The following IGSF21 variants were observed in gnomAD, a reference collection of about 807,000 sequenced individuals.
The protein encoded by IGSF21 is immunoglobulin superfamily member 21.
Under a neutral mutation model 46.8 loss-of-function variants are expected in IGSF21, and 28 were observed. That is an observed-to-expected ratio of 0.60 (90% CI 0.44 to 0.82). The LOEUF (loss-of-function observed/expected upper bound fraction) is 0.82. IGSF21 is among the 40% of genes least tolerant of loss of function. The pLI is 0.00. For missense variants in IGSF21, 624 were observed against 665.5 expected, an observed-to-expected ratio of 0.94 and a Z score of 0.69; for synonymous variants, 284 against 273.6, an observed-to-expected ratio of 1.04 and a Z score of -0.38.
Position 18,322,239 on chromosome 1 carries a change from G to A in IGSF21, c.306-12653G>A, listed in dbSNP as rs1002905405. Among the ~76,000 whole-genome samples the A allele has an allele frequency of 1.3e-5, 2 of 152,164 alleles. No individual in the cohort carries two copies. Among genetic ancestry groups the A allele is most frequent in the East Asian group, 1.9e-4 (1 of 5,172 alleles). On this transcript the variant is annotated intron_variant, in intron 3 of 9. Transcript: ENST00000251296. This position sits in a 1 kb window ranked among gnomAD's most constrained non-coding sequence, Gnocchi z 4.3. Reference sequence around the variant, plus strand: ...GCATCGGCTCCTGGAACTCAAGGGCGAGGGACCTGATGCTGACCTTGCCCA... The same window carrying A: ...GCATCGGCTCCTGGAACTCAAGGGCAAGGGACCTGATGCTGACCTTGCCCA...
rs1285790074 is a variant in IGSF21, at chr1:18,109,077, C to A, written c.70+879C>A. Among the ~76,000 whole-genome samples, 1 of 150,924 alleles carries A rather than the reference C, an allele frequency of 6.6e-6. No homozygotes were observed. Among genetic ancestry groups the A allele is most frequent in the Non-Finnish European group, 1.5e-5 (1 of 67,858 alleles). ...CAGCTAGAAGGAGGTTGAAGCCGAG[C>A]GGGTTCTCCGGAGCCAGTGAGAGGT... On this transcript the variant is annotated intron_variant, in intron 1 of 9. Coordinates refer to ENST00000251296, the MANE Select transcript of IGSF21 (RefSeq NM_032880.5). The surrounding 1 kb of genome is among the most constrained non-coding windows in gnomAD (Gnocchi z 4.8).
chr1:18,350,659 A>G (rs949205842), intron 4 of IGSF21, among the ~76,000 whole-genome samples: 1 of 151,986 alleles, frequency 6.6e-6, no homozygotes, highest in Non-Finnish European at 1.5e-5. Context: ...CCTCCCACAA[A>G]AAAAAATACC....
intron 1 of IGSF21, among the ~76,000 whole-genome samples, chr1:18,131,201 AT>A (rs2086318342): frequency 6.6e-6 from 1 of 152,162 alleles, no homozygotes; most frequent in African/African-American, 2.4e-5. Flanking sequence ...CCTGAGGCAG[AT>A]TTTTGTTTTT....
intron 3 of IGSF21, among the ~76,000 whole-genome samples, chr1:18,297,787 A>T (rs1032746089): frequency 2.0e-5 from 3 of 151,898 alleles, no homozygotes; most frequent in Non-Finnish European, 4.4e-5. Context: ...CTATATTTTT[A>T]TTTGTATTAT....
At chr1:18,355,204 G>A (rs1490549341) in intron 4 of IGSF21, among the ~76,000 whole-genome samples, 3 of 152,178 alleles carry the variant, frequency 2.0e-5, no homozygotes, top group African/African-American at 7.2e-5. Context: ...CAGGTTTGGG[G>A]CAGATTTCCC....
At chr1:18,344,691 A>T (rs115765618) in intron 4 of IGSF21, among the ~76,000 whole-genome samples, 30 of 152,256 alleles carry the variant, frequency 2.0e-4, no homozygotes, top group African/African-American at 7.0e-4. Flanking sequence ...AGGGTAGGTC[A>T]GTGGAGGGAG....
At chr1:18,197,435 G>C (rs2124480325) in intron 1 of IGSF21, among the ~76,000 whole-genome samples, 1 of 152,336 alleles carries the variant, frequency 6.6e-6, no homozygotes. Flanking sequence ...TAACTTTTCT[G>C]GTCCTTGGAA....
chr1:18,154,910 A>G (rs2086554638), intron 1 of IGSF21, among the ~76,000 whole-genome samples: 1 of 151,756 alleles, frequency 6.6e-6, no homozygotes, highest in African/African-American at 2.4e-5. Context: ...ATCCTGGAGG[A>G]CTGTCTGGAG....
chr1:18,194,987 A>AT (rs2086993348), intron 1 of IGSF21, among the ~76,000 whole-genome samples: 1 of 152,210 alleles, frequency 6.6e-6, no homozygotes, highest in African/African-American at 2.4e-5. Flanking sequence ...GGGAATTCCC[A>AT]TTTATAAAAC....
chr1:18,358,940 A>AC (rs1177173171), intron 4 of IGSF21, among the ~76,000 whole-genome samples: 2 of 151,952 alleles, frequency 1.3e-5, no homozygotes, highest in African/African-American at 4.8e-5. Flanking sequence ...CAGGTAACTT[A>AC]CATGTGCCAT....
rs534885432 is a variant in IGSF21, at chr1:18,226,117, G to A, written c.71-1781G>A. On this transcript the variant is annotated intron_variant, in intron 1 of 9. Transcript: ENST00000251296. The stretch of plus-strand genomic sequence containing the variant: ...TGTTACACTCAGGCTTGGCTTGCCC[G>A]GAGGTCTCCCTTTCCGTGGGGTCTG... Among the ~76,000 whole-genome samples the A allele has an allele frequency of 5.6e-3, 850 of 152,342 alleles. 4 individuals carry two copies. The highest frequency in any genetic ancestry group is 0.041 in the Middle Eastern group (12 of 294).
In IGSF21 at chr1:18,154,319, G is replaced by A. The variant is rs149385585; in HGVS notation, c.70+46121G>A. ...CTTTTGTCATCTCTTTCAAGGCCGC[G>A]AGTCCCATCTCCCATTTTACATCTT... On this transcript the variant is annotated intron_variant, in intron 1 of 9. Transcript: ENST00000251296. Among the ~76,000 whole-genome samples the A allele has an allele frequency of 4.9e-3, 745 of 152,160 alleles. 12 individuals carry two copies. Among genetic ancestry groups the A allele is most frequent in the African/African-American group, 0.017 (711 of 41,520 alleles).
chr1:18,365,705 T>A lies in IGSF21; in HGVS notation c.1015+8T>A. On this transcript the variant is annotated splice_region_variant and intron_variant, in intron 6 of 9. Coordinates refer to ENST00000251296, the MANE Select transcript of IGSF21 (RefSeq NM_032880.5). The surrounding 1 kb of genome is among the most constrained non-coding windows in gnomAD (Gnocchi z 4.8). ...AGGCAGAGGTCACGCTGGGTAAGAC[T>A]TGGTGGGGGCCCTTCTGTAGAGCCC... 6.2e-7 allele frequency: 1 copy of A among 1,603,074 alleles called. No individual in the cohort carries two copies. Among genetic ancestry groups the A allele is most frequent in the Non-Finnish European group, 8.5e-7 (1 of 1,172,676 alleles).
At chr1:18,151,132 C>G (rs1417780039) in intron 1 of IGSF21, among the ~76,000 whole-genome samples, 3 of 152,160 alleles carry the variant, frequency 2.0e-5, no homozygotes, top group Non-Finnish European at 4.4e-5. Context: ...GTGGAGGGAC[C>G]TTTCATCACT....
intron 3 of IGSF21, among the ~76,000 whole-genome samples, chr1:18,329,831 A>C (rs1256138651): frequency 1.3e-5 from 2 of 152,236 alleles, no homozygotes; most frequent in Non-Finnish European, 2.9e-5. Flanking sequence ...CCCTGGCTCC[A>C]GATTCAGCAG....
intron 2 of IGSF21, among the ~76,000 whole-genome samples, chr1:18,289,056 G>A (rs1355194298): frequency 6.6e-6 from 1 of 152,158 alleles, no homozygotes; most frequent in Admixed American, 6.5e-5. Context: ...GTGTGTGGAT[G>A]TGTGGGGTGT....
chr1:18,263,125 G>T (rs888084791), intron 2 of IGSF21, among the ~76,000 whole-genome samples: 15 of 152,162 alleles, frequency 9.9e-5, no homozygotes, highest in African/African-American at 3.6e-4. Flanking sequence ...GGTCAATGGT[G>T]GAAAATACGG....
chr1:18,305,609 G>T (rs945501847), intron 3 of IGSF21, among the ~76,000 whole-genome samples: 2 of 151,948 alleles, frequency 1.3e-5, no homozygotes, highest in African/African-American at 4.8e-5. Context: ...TGGATAGATG[G>T]ATGGATGGAT....
intron 2 of IGSF21, among the ~76,000 whole-genome samples, chr1:18,274,196 G>C (rs2085078479): frequency 6.6e-6 from 1 of 152,222 alleles, no homozygotes; most frequent in Non-Finnish European, 1.5e-5. Context: ...TTTATAGCCA[G>C]GTACTATCAG....
Sources: allele counts gnomAD v4.1 joint callset (sites outside exome capture counted in the v4.1 genomes callset), GRCh38; gene constraint gnomAD v4.1.1; non-coding constraint Gnocchi (gnomAD v3.1); transcripts MANE v1.5; gene names NCBI Gene and HGNC (gene_info 2026-07-23, HGNC 2026-07-21).